Variants in RNF220 observed in about 807,000 individuals in gnomAD.
The protein encoded by RNF220 is ring finger protein 220, also known as E3 ubiquitin-protein ligase RNF220.
A neutral mutation model predicts 67.1 loss-of-function variants in RNF220; 7 were observed. That is an observed-to-expected ratio of 0.10 (90% CI 0.06 to 0.20). The LOEUF (loss-of-function observed/expected upper bound fraction) is 0.20, where lower values mean the gene tolerates loss of function less well. RNF220 is among the 10% of genes least tolerant of loss of function. RNF220 has a pLI of 1.00. For missense variants in RNF220, 565 were observed against 740.3 expected, an observed-to-expected ratio of 0.76 and a Z score of 2.75; for synonymous variants, 270 against 283.2, an observed-to-expected ratio of 0.95 and a Z score of 0.47.
chr1:44,419,194 A>C (rs1225515652), intron 2 of RNF220: 1 of 152,230 alleles, frequency 6.6e-6, no homozygotes, highest in Non-Finnish European at 1.5e-5. Context: ...ATTTTTTTTA[A>C]GTATCATTTA....
rs1363129270 is a variant in RNF220, at chr1:44,614,239, A to G, written c.700A>G (p.Ser234Gly). Residue 234 changes from serine to glycine, a missense_variant, in exon 3 of 15, where the codon AGT becomes GGT. By Grantham distance (56) the Ser-to-Gly change is moderately conservative. Coordinates refer to ENST00000361799, the MANE Select transcript of RNF220 (RefSeq NM_018150.4). Reference protein sequence around the residue: ...CPICQVLLRPSELQEHMEQEL... With the variant: ...CPICQVLLRPGELQEHMEQEL... Reference sequence around the variant, plus strand: ...CATCTGCCAGGTCCTGCTGAGGCCCAGTGAGCTGCAGGAGCATATGGAGCA... The same window carrying G: ...CATCTGCCAGGTCCTGCTGAGGCCCGGTGAGCTGCAGGAGCATATGGAGCA... The G allele has an allele frequency of 6.2e-7, 1 of 1,614,188 alleles. No homozygotes were observed. Among genetic ancestry groups the G allele is most frequent in the Non-Finnish European group, 8.5e-7 (1 of 1,180,010 alleles).
At chr1:44,594,118 G>C (rs72897574) in intron 2 of RNF220, among the ~76,000 whole-genome samples, 3,261 of 151,872 alleles carry the variant, frequency 0.021, 109 homozygotes, top group African/African-American at 0.074. Flanking sequence ...AACTCTTATA[G>C]TCCAGCTTGA....
chr1:44,442,981 C>G (rs1189580647), intron 2 of RNF220, among the ~76,000 whole-genome samples: 1 of 152,218 alleles, frequency 6.6e-6, no homozygotes, highest in East Asian at 1.9e-4. Context: ...TTACTCCACC[C>G]TCTTGCCTAG....
At chr1:44,404,947 A>T (rs1647219063), upstream of RNF220, among the ~76,000 whole-genome samples, 1 of 152,104 alleles carries the variant, frequency 6.6e-6, no homozygotes, top group Non-Finnish European at 1.5e-5. Context: ...GGAAAGGAAG[A>T]ACAACAAGCA....
At chr1:44,590,908 G>A (rs1176434720) in intron 2 of RNF220, among the ~76,000 whole-genome samples, 4 of 152,182 alleles carry the variant, frequency 2.6e-5, no homozygotes, top group African/African-American at 7.2e-5. Context: ...AGCCCTGGAA[G>A]ATAGTTTTCC....
chr1:44,503,997 G>C (rs887545203), intron 2 of RNF220, among the ~76,000 whole-genome samples: 7 of 152,070 alleles, frequency 4.6e-5, no homozygotes, highest in Non-Finnish European at 7.4e-5. Context: ...CTACAGGTGC[G>C]TGCCACCATG....
intron 2 of RNF220, among the ~76,000 whole-genome samples, chr1:44,576,158 G>A (rs557971476): frequency 1.3e-5 from 2 of 152,348 alleles, no homozygotes; most frequent in South Asian, 2.1e-4. Flanking sequence ...CTTCATCAGA[G>A]CAACAAATGC....
chr1:44,445,509 A>T (rs1651985384), intron 2 of RNF220, among the ~76,000 whole-genome samples: 2 of 150,602 alleles, frequency 1.3e-5, no homozygotes, highest in South Asian at 4.2e-4. Flanking sequence ...GATCCTCTCA[A>T]CTCCCTCCCC....
intron 2 of RNF220, among the ~76,000 whole-genome samples, chr1:44,465,842 A>G (rs1654226512): frequency 6.6e-6 from 1 of 152,192 alleles, no homozygotes; most frequent in Admixed American, 6.5e-5. Context: ...TAAAAATGCT[A>G]ATGATCATCT....
intron 2 of RNF220, among the ~76,000 whole-genome samples, chr1:44,530,860 A>G (rs270745): frequency 0.71 from 107,692 of 151,948 alleles, 38,549 homozygotes; most frequent in East Asian, 0.9. Context: ...CTATTTGGGA[A>G]GCTGAGGCAG....
At chr1:44,520,298 TA>T (rs1181533601) in intron 2 of RNF220, among the ~76,000 whole-genome samples, 3 of 151,484 alleles carry the variant, frequency 2.0e-5, no homozygotes, top group African/African-American at 7.3e-5. Context: ...CCGTCTCTAC[TA>T]AAAAATACAA....
chr1:44,605,022 C>T (rs187636931), intron 2 of RNF220, among the ~76,000 whole-genome samples: 22 of 152,210 alleles, frequency 1.4e-4, no homozygotes, highest in Non-Finnish European at 2.4e-4. Flanking sequence ...TATATAGGGG[C>T]CGGGCGCGGT....
At chr1:44,426,845 A>C (rs1032789800) in intron 2 of RNF220, among the ~76,000 whole-genome samples, 1 of 152,222 alleles carries the variant, frequency 6.6e-6, no homozygotes, top group African/African-American at 2.4e-5. Flanking sequence ...TTAATTAACA[A>C]GTTCCAGGGT....
intron 2 of RNF220, among the ~76,000 whole-genome samples, chr1:44,444,874 T>A (rs1013265235): frequency 6.6e-6 from 1 of 152,312 alleles, no homozygotes; most frequent in Admixed American, 6.5e-5. Context: ...TTCCTGAGGG[T>A]AGAGACCCAA....
intron 3 of RNF220, among the ~76,000 whole-genome samples, chr1:44,615,040 A>T (rs535992645): frequency 6.6e-6 from 1 of 152,266 alleles, no homozygotes; most frequent in Admixed American, 6.5e-5. Flanking sequence ...GAGCTGGGTC[A>T]TGTGAAGGCT....
chr1:44,568,550 G>A, intron 2 of RNF220, among the ~76,000 whole-genome samples: 1 of 152,232 alleles, frequency 6.6e-6, no homozygotes, highest in East Asian at 1.9e-4. Flanking sequence ...GGATATCCCT[G>A]AATGAAGAAA....
intron 2 of RNF220, among the ~76,000 whole-genome samples, chr1:44,458,296 A>T (rs1225270265): frequency 4.6e-5 from 7 of 151,422 alleles, no homozygotes. Flanking sequence ...TATTCTTATG[A>T]AATAGCCTCT....
chr1:44,507,406 T>G (rs1658530894), intron 2 of RNF220, among the ~76,000 whole-genome samples: 1 of 151,956 alleles, frequency 6.6e-6, no homozygotes, highest in Non-Finnish European at 1.5e-5. Flanking sequence ...TAGCGGAAAT[T>G]TGAACAAAGT....
intron 2 of RNF220, among the ~76,000 whole-genome samples, chr1:44,472,065 G>A (rs1243432540): frequency 6.6e-6 from 1 of 152,064 alleles, no homozygotes; most frequent in East Asian, 1.9e-4. Flanking sequence ...CCTTTTTATG[G>A]TTTAATAGTA....
Sources: allele counts gnomAD v4.1 joint callset (sites outside exome capture counted in the v4.1 genomes callset), GRCh38; gene constraint gnomAD v4.1.1; transcripts MANE v1.5; gene names NCBI Gene and HGNC (gene_info 2026-07-23, HGNC 2026-07-21).